RAB10: variants seen among roughly 807,000 people sequenced by gnomAD.
The protein encoded by RAB10 is RAB10, member RAS oncogene family, also known as ras-related protein Rab-10.
Under a neutral mutation model 25.7 loss-of-function variants are expected in RAB10, and 5 were observed. That is an observed-to-expected ratio of 0.19 (90% CI 0.10 to 0.41). The LOEUF is 0.41. RAB10 is among the 10% of genes least tolerant of loss of function. The probability of loss-of-function intolerance (pLI) is 1.00; values close to 1 mark genes in which losing one functional copy is unlikely to be tolerated. For missense variants in RAB10, 103 were observed against 245.8 expected (o/e 0.42, Z 3.89); for synonymous variants, 89 against 86.4 (o/e 1.03, Z -0.16).
intron 1 of RAB10, among the ~76,000 whole-genome samples, chr2:26,092,261 C>CTGTGTGTGTG (rs56875863): frequency 7.6e-5 from 10 of 130,940 alleles, no homozygotes; most frequent in Non-Finnish European, 1.3e-4. Flanking sequence ...ATAGTGAGAG[C>CTGTGTGTGTG]TGTGTGTGTG....
rs192336163 is a variant in RAB10, at chr2:26,053,295, G to A, written c.127+18560G>A. On this transcript the variant is annotated intron_variant, in intron 1 of 5. Coordinates refer to ENST00000264710, the MANE Select transcript of RAB10 (RefSeq NM_016131.5). The stretch of plus-strand genomic sequence containing the variant: ...TTAGGATAGTGGAATGTAGTATTGA[G>A]TCCAAGTAGTTCCACCACTATCCAG... Among the ~76,000 whole-genome samples, 52 of 152,292 alleles carry A rather than the reference G, an allele frequency of 3.4e-4. No homozygotes were observed. In the East Asian group the frequency reaches 9.6e-3, roughly 28 times the overall value.
At chr2:26,077,327 T>C (rs1394713699) in intron 1 of RAB10, among the ~76,000 whole-genome samples, 2 of 152,226 alleles carry the variant, frequency 1.3e-5, no homozygotes, top group African/African-American at 4.8e-5. Flanking sequence ...AACACATCTT[T>C]TGTGCATAGA....
chr2:26,061,807 A>C (rs1666401512), intron 1 of RAB10, among the ~76,000 whole-genome samples: 1 of 118,592 alleles, frequency 8.4e-6, no homozygotes, highest in African/African-American at 3.3e-5. Flanking sequence ...CTCACGCTGG[A>C]GTACAGTGCT....
intron 5 of RAB10, among the ~76,000 whole-genome samples, chr2:26,130,588 G>T (rs1667992828): frequency 6.6e-6 from 1 of 151,930 alleles, no homozygotes; most frequent in Non-Finnish European, 1.5e-5. Context: ...GGACCACGAG[G>T]ACACATCACC....
intron 2 of RAB10, among the ~76,000 whole-genome samples, chr2:26,104,394 G>A (rs1447267246): frequency 6.6e-6 from 1 of 152,124 alleles, no homozygotes; most frequent in African/African-American, 2.4e-5. Flanking sequence ...ATAAATGCCT[G>A]TTTAGATCTT....
At chr2:26,090,780 A>G (rs1193119087) in intron 1 of RAB10, among the ~76,000 whole-genome samples, 2 of 152,034 alleles carry the variant, frequency 1.3e-5, no homozygotes, top group Admixed American at 1.3e-4. Flanking sequence ...CTAAAATTAC[A>G]AAAGTTAACT....
intron 1 of RAB10, among the ~76,000 whole-genome samples, chr2:26,096,302 A>G (rs185863389): frequency 9.9e-4 from 151 of 152,320 alleles, no homozygotes; most frequent in Non-Finnish European, 1.9e-3. Flanking sequence ...TGATACAGTC[A>G]CAGAGCAGCT....
intron 1 of RAB10, among the ~76,000 whole-genome samples, chr2:26,055,604 G>T (rs1666244884): frequency 6.6e-6 from 1 of 152,194 alleles, no homozygotes; most frequent in African/African-American, 2.4e-5. Flanking sequence ...GTCCAGGCTG[G>T]TCTTGAACTC....
At chr2:26,124,862 G>T (rs1204460586) in intron 3 of RAB10, among the ~76,000 whole-genome samples, 3 of 152,012 alleles carry the variant, frequency 2.0e-5, no homozygotes, top group Non-Finnish European at 4.4e-5. Flanking sequence ...TATAGTATTT[G>T]TTCAATTTGT....
At chr2:26,134,866 T>A in intron 5 of RAB10, 72 bp from the exon 6 acceptor site, 4 of 1,211,426 alleles carry the variant, frequency 3.3e-6, no homozygotes, top group Non-Finnish European at 4.8e-6. Flanking sequence ...CATAAGAATA[T>A]TCCTGTTGAA....
At chr2:26,111,864 C>T (rs542616985) in intron 3 of RAB10, among the ~76,000 whole-genome samples, 3 of 152,292 alleles carry the variant, frequency 2.0e-5, no homozygotes, top group African/African-American at 7.2e-5. Context: ...ATTGCCCTCA[C>T]TTGAGATGCC....
chr2:26,091,590 T>C (rs542063989), intron 1 of RAB10, among the ~76,000 whole-genome samples: 1 of 152,280 alleles, frequency 6.6e-6, no homozygotes, highest in South Asian at 2.1e-4. Flanking sequence ...GTTTTCCTTT[T>C]AGTCTTTGTA....
At chr2:26,056,062 G>GT (rs1299699744) in intron 1 of RAB10, among the ~76,000 whole-genome samples, 1 of 151,186 alleles carries the variant, frequency 6.6e-6, no homozygotes. Flanking sequence ...ACCTGGATTA[G>GT]TTTTTTTTAG....
chr2:26,061,690 C>CT (rs940013713), intron 1 of RAB10, among the ~76,000 whole-genome samples: 10 of 151,976 alleles, frequency 6.6e-5, no homozygotes, highest in African/African-American at 2.4e-4. Flanking sequence ...TGTCCCCAGT[C>CT]TTATTTTTCT....
intron 1 of RAB10, among the ~76,000 whole-genome samples, chr2:26,051,696 G>C (rs1443943054): frequency 6.6e-6 from 1 of 151,212 alleles, no homozygotes. Context: ...AGAGGTTGCA[G>C]TGAACCAAGA....
chr2:26,052,728 A>G (rs1666164478), intron 1 of RAB10, among the ~76,000 whole-genome samples: 1 of 152,128 alleles, frequency 6.6e-6, no homozygotes, highest in South Asian at 2.1e-4. Context: ...TCCTATCTGT[A>G]GTCTCATTCC....
At chr2:26,117,604 A>T (rs1004217596) in intron 3 of RAB10, among the ~76,000 whole-genome samples, 7 of 144,234 alleles carry the variant, frequency 4.9e-5, no homozygotes, top group Admixed American at 2.1e-4. Flanking sequence ...TGGGCGACAG[A>T]GCGAGACTCC....
At chr2:26,091,983 C>A (rs951194890) in intron 1 of RAB10, among the ~76,000 whole-genome samples, 1 of 151,912 alleles carries the variant, frequency 6.6e-6, no homozygotes, top group Non-Finnish European at 1.5e-5. Flanking sequence ...ACCAGCCTGG[C>A]CAACATGGTG....
chr2:26,041,096 C>T (rs1665874216), intron 1 of RAB10, among the ~76,000 whole-genome samples: 1 of 151,528 alleles, frequency 6.6e-6, no homozygotes, highest in African/African-American at 2.4e-5. Context: ...TTAATGGGTG[C>T]ACCATAAATA....
Sources: gnomAD v4.1 joint callset for allele counts (sites outside exome capture counted in the v4.1 genomes callset) on GRCh38, gnomAD v4.1.1 for gene constraint, MANE v1.5 for transcripts, NCBI Gene and HGNC (gene_info 2026-07-23, HGNC 2026-07-21) for gene names.